Variants in ATXN1 observed in about 807,000 individuals in gnomAD.
The protein encoded by ATXN1 is ataxin-1.
A neutral mutation model predicts 56.4 loss-of-function variants in ATXN1; 8 were observed. The ratio of observed to expected loss-of-function variants is 0.14; its 90% confidence interval spans 0.08 to 0.26. The LOEUF (loss-of-function observed/expected upper bound fraction) is 0.26, where lower values mean the gene tolerates loss of function less well. Ranked by LOEUF, ATXN1 falls within the 10% of genes least tolerant of loss-of-function variation. The pLI is 1.00. For synonymous variants in ATXN1, 514 were observed against 494.6 expected, an observed-to-expected ratio of 1.04 and a Z score of -0.52; for missense variants, 987 against 1,106.5, an observed-to-expected ratio of 0.89 and a Z score of 1.53.
chr6:16,620,300 C>G (rs1038229931), intron 3 of ATXN1, among the ~76,000 whole-genome samples: 60 of 146,944 alleles, frequency 4.1e-4, no homozygotes, highest in Admixed American at 1.2e-3. Context: ...CACACACACA[C>G]AGAATATGTG....
intron 6 of ATXN1, among the ~76,000 whole-genome samples, chr6:16,361,787 T>C (rs1761813193): frequency 1.3e-5 from 2 of 152,246 alleles, no homozygotes; most frequent in Non-Finnish European, 2.9e-5. Flanking sequence ...ATTATGGGAA[T>C]CATTACATTT....
intron 6 of ATXN1, among the ~76,000 whole-genome samples, chr6:16,358,381 A>G (rs970802111): frequency 1.3e-5 from 2 of 152,260 alleles, no homozygotes; most frequent in African/African-American, 4.8e-5. Context: ...ACAATTCGCA[A>G]TTGCAGAAAT....
At chr6:16,621,590 G>A (rs540101289) in intron 3 of ATXN1, among the ~76,000 whole-genome samples, 61 of 152,088 alleles carry the variant, frequency 4.0e-4, no homozygotes, top group Non-Finnish European at 7.2e-4. Context: ...GTGTGGTGGT[G>A]CACACCTGTA....
chr6:16,485,014 C>A (rs1760516452), intron 6 of ATXN1: 1 of 142,864 alleles, frequency 7.0e-6, no homozygotes, highest in Non-Finnish European at 1.5e-5. Context: ...CATACATAAA[C>A]AAGAGTATAC....
At chr6:16,688,623 A>T (rs965567084) in intron 2 of ATXN1, among the ~76,000 whole-genome samples, 3 of 152,378 alleles carry the variant, frequency 2.0e-5, no homozygotes, top group South Asian at 4.1e-4. Context: ...GCCTTGCTCA[A>T]CATAATATTG....
In ATXN1 at chr6:16,692,737, T is replaced by C. The variant is rs147165912; in HGVS notation, c.-614-34836A>G. On this transcript the variant is annotated intron_variant, in intron 2 of 7. Transcript: ENST00000436367. ...TGCTGGGCACTTTACCTGTATTCCATTGTGTTCTTACAGGTACATTCCATG... is the reference window on the plus strand; with the variant it reads ...TGCTGGGCACTTTACCTGTATTCCACTGTGTTCTTACAGGTACATTCCATG... 2.0e-5 allele frequency among the ~76,000 whole-genome samples: 3 copies of C among 152,320 alleles called. No homozygotes were observed. The East Asian group carries it at 5.8e-4, about 29-fold the overall frequency.
intron 6 of ATXN1, among the ~76,000 whole-genome samples, chr6:16,385,480 G>A (rs149418303): frequency 0.017 from 2,514 of 152,316 alleles, 37 homozygotes; most frequent in Non-Finnish European, 0.022. Flanking sequence ...TCAGCACCAA[G>A]GCTGCTGAAT....
chr6:16,308,949 A>G (rs1400210625), intron 7 of ATXN1, among the ~76,000 whole-genome samples: 1 of 152,154 alleles, frequency 6.6e-6, no homozygotes, highest in Non-Finnish European at 1.5e-5. Context: ...CCATGAAGCC[A>G]GGCATGGTGG....
chr6:16,394,965 G>A (rs185147094), intron 6 of ATXN1, among the ~76,000 whole-genome samples: 51 of 152,238 alleles, frequency 3.4e-4, no homozygotes, highest in African/African-American at 8.4e-4. Context: ...ACAGCCAAGC[G>A]TTCAACATAG....
intron 4 of ATXN1, among the ~76,000 whole-genome samples, chr6:16,558,287 C>A (rs1219252097): frequency 8.5e-6 from 1 of 117,098 alleles, no homozygotes; most frequent in Admixed American, 1.1e-4. Flanking sequence ...GGTGACAGAG[C>A]GAGATCCTGT....
At chr6:16,459,205 C>A (rs932811294) in intron 6 of ATXN1, among the ~76,000 whole-genome samples, 1 of 152,158 alleles carries the variant, frequency 6.6e-6, no homozygotes, top group South Asian at 2.1e-4. Flanking sequence ...ATATGGGGAA[C>A]AAGTTACCCA....
Position 16,368,698 on chromosome 6 carries a change from A to G in ATXN1, c.-160-40228T>C, listed in dbSNP as rs146362200. Among the ~76,000 whole-genome samples, 13 of 152,326 alleles carry G rather than the reference A, an allele frequency of 8.5e-5. No homozygotes were observed. The East Asian group carries it at 2.5e-3, about 29-fold the overall frequency. On this transcript the variant is annotated intron_variant, in intron 6 of 7. Transcript: ENST00000436367. ...ACATATTCAAGGAATAAGCTATTAAATAATAAAAAATGTGATGAGGAATAG... is the reference window on the plus strand; with the variant it reads ...ACATATTCAAGGAATAAGCTATTAAGTAATAAAAAATGTGATGAGGAATAG...
At chr6:16,486,799 C>T (rs538086847) in intron 5 of ATXN1, among the ~76,000 whole-genome samples, 4 of 152,204 alleles carry the variant, frequency 2.6e-5, no homozygotes, top group South Asian at 2.1e-4. Flanking sequence ...ATTTGGTACA[C>T]GGCTCCCTCA....
Position 16,506,471 on chromosome 6 carries a change from C to G in ATXN1, c.-299+16156G>C, listed in dbSNP as rs376289581. ...GAGATCAGGCCACAAGACAGTAGTTCAGAAAAGGGTAATTTTTGTTTTAAT... is the reference window on the plus strand; with the variant it reads ...GAGATCAGGCCACAAGACAGTAGTTGAGAAAAGGGTAATTTTTGTTTTAAT... On this transcript the variant is annotated intron_variant, in intron 5 of 7. Coordinates refer to ENST00000436367, the MANE Select transcript of ATXN1 (RefSeq NM_001128164.2). This position sits in a 1 kb window ranked among gnomAD's most constrained non-coding sequence, Gnocchi z 4.1. Among the ~76,000 whole-genome samples, 6 of 152,192 alleles carry G rather than the reference C, an allele frequency of 3.9e-5. No homozygotes were observed. In the East Asian group the frequency reaches 1.2e-3, roughly 29 times the overall value.
At chr6:16,435,213 A>G (rs1293053576) in intron 6 of ATXN1, among the ~76,000 whole-genome samples, 1 of 152,166 alleles carries the variant, frequency 6.6e-6, no homozygotes, top group Non-Finnish European at 1.5e-5. Flanking sequence ...TTCAGGTGAC[A>G]TTGTGATACC....
chr6:16,591,783 A>G lies in ATXN1; in HGVS notation c.-488-5876T>C, dbSNP rs60436225. 5.2e-3 allele frequency among the ~76,000 whole-genome samples: 797 copies of G among 152,286 alleles called. 5 individuals are homozygous for G. Among genetic ancestry groups the G allele is most frequent in the African/African-American group, 0.018 (751 of 41,540 alleles). On this transcript the variant is annotated intron_variant, in intron 3 of 7. Transcript: ENST00000436367. ...AAACACTGGTTTGATGTGTGGGTGA[A>G]TACACACACTTTGATACTCTTATGA...
chr6:16,502,934 G>C (rs768227244), intron 5 of ATXN1, among the ~76,000 whole-genome samples: 11 of 152,140 alleles, frequency 7.2e-5, no homozygotes, highest in South Asian at 4.1e-4. Context: ...AGTACTGTGA[G>C]GTGAGGTTCA....
At chr6:16,616,417 G>A (rs1358809676) in intron 3 of ATXN1, among the ~76,000 whole-genome samples, 1 of 151,540 alleles carries the variant, frequency 6.6e-6, no homozygotes. Context: ...GTACACACCT[G>A]TAATCCCAGA....
intron 6 of ATXN1, among the ~76,000 whole-genome samples, chr6:16,473,272 A>G (rs537818563): frequency 2.0e-5 from 3 of 152,154 alleles, no homozygotes; most frequent in Non-Finnish European, 4.4e-5. Flanking sequence ...CTCCGACCCG[A>G]TATCAGGCAG....
Sources: gnomAD v4.1 joint callset for allele counts (sites outside exome capture counted in the v4.1 genomes callset) on GRCh38, gnomAD v4.1.1 for gene constraint, Gnocchi (gnomAD v3.1) non-coding constraint, MANE v1.5 for transcripts, NCBI Gene and HGNC (gene_info 2026-07-23, HGNC 2026-07-21) for gene names.